Variants in OSBPL1A observed in about 807,000 individuals in gnomAD.
The protein encoded by OSBPL1A is oxysterol-binding protein-related protein 1.
In OSBPL1A, 80 loss-of-function variants were observed where a neutral mutation model predicts 137.1. That is an observed-to-expected ratio of 0.58 (90% CI 0.49 to 0.70). The LOEUF (loss-of-function observed/expected upper bound fraction) is 0.70, where lower values mean the gene tolerates loss of function less well. Among genes scored for constraint, OSBPL1A ranks in the 30% least tolerant of loss-of-function variants. OSBPL1A has a pLI of 0.00. For missense variants in OSBPL1A, 970 were observed against 1,129.4 expected (o/e 0.86, Z 2.02); for synonymous variants, 365 against 389.7 (o/e 0.94, Z 0.75).
chr18:24,321,018 G>C (rs1316380908), intron 7 of OSBPL1A, among the ~76,000 whole-genome samples: 2 of 114,510 alleles, frequency 1.7e-5, no homozygotes, highest in Admixed American at 2.0e-4. Context: ...ACAAGAGCAA[G>C]ACTTCGTCTC....
chr18:24,274,285 A>G (rs1320076332), intron 15 of OSBPL1A, among the ~76,000 whole-genome samples: 1 of 151,968 alleles, frequency 6.6e-6, no homozygotes, highest in Non-Finnish European at 1.5e-5. Context: ...AGGGAGGAAG[A>G]AGGAGGATGA....
At chr18:24,319,948 T>C (rs1390708412) in intron 7 of OSBPL1A, among the ~76,000 whole-genome samples, 2 of 141,832 alleles carry the variant, frequency 1.4e-5, no homozygotes, top group Non-Finnish European at 3.0e-5. Context: ...AGCTTAAGAC[T>C]CGCCGGGGTA....
At chr18:24,365,559 G>C (rs906643080) in intron 4 of OSBPL1A, among the ~76,000 whole-genome samples, 2 of 151,490 alleles carry the variant, frequency 1.3e-5, no homozygotes, top group African/African-American at 4.9e-5. Flanking sequence ...ACTCCAACCT[G>C]GGCGACAGAG....
chr18:24,327,111 C>CTTTTTTTT (rs68045251), intron 7 of OSBPL1A, among the ~76,000 whole-genome samples: 2 of 137,010 alleles, frequency 1.5e-5, no homozygotes, highest in Non-Finnish European at 3.1e-5. Flanking sequence ...TTTCTTTTTT[C>CTTTTTTTT]TTTTTTTTTT....
intron 16 of OSBPL1A, among the ~76,000 whole-genome samples, chr18:24,236,163 T>C (rs1256735641): frequency 6.6e-6 from 1 of 152,200 alleles, no homozygotes; most frequent in Non-Finnish European, 1.5e-5. Context: ...CCACTAAGTT[T>C]GTGGTGATCT....
chr18:24,226,696 C>T (rs529095493), intron 16 of OSBPL1A, among the ~76,000 whole-genome samples: 3 of 152,258 alleles, frequency 2.0e-5, no homozygotes, highest in African/African-American at 7.2e-5. Flanking sequence ...AGGAGAACGA[C>T]GGTTGGACCA....
At chr18:24,372,722 C>T (rs1475034546) in intron 2 of OSBPL1A, among the ~76,000 whole-genome samples, 1 of 152,122 alleles carries the variant, frequency 6.6e-6, no homozygotes, top group Admixed American at 6.6e-5. Flanking sequence ...GACCTGGTGT[C>T]CTCACATCTA....
At chr18:24,214,320 T>A (rs578097529) in intron 17 of OSBPL1A, among the ~76,000 whole-genome samples, 1 of 152,334 alleles carries the variant, frequency 6.6e-6, no homozygotes, top group South Asian at 2.1e-4. Context: ...CTAACTACCG[T>A]CATCCCTAAA....
intron 15 of OSBPL1A, among the ~76,000 whole-genome samples, chr18:24,255,793 C>T (rs2089256226): frequency 6.8e-6 from 1 of 147,012 alleles, no homozygotes; most frequent in Admixed American, 6.8e-5. Flanking sequence ...GTCTCGCTCT[C>T]TCGCCCAGGC....
intron 16 of OSBPL1A, among the ~76,000 whole-genome samples, chr18:24,228,943 G>A (rs1474532987): frequency 6.6e-6 from 1 of 152,192 alleles, no homozygotes; most frequent in African/African-American, 2.4e-5. Flanking sequence ...GCTCACACCT[G>A]TAATCCCAGC....
rs925857693 is a variant in OSBPL1A at position 24,170,392 on chromosome 18, C to G, written c.2353G>C (p.Ala785Pro). ...TTTTTTTTGTAAGCGTCAAACGTGG[C>G]AGGGTCAACACTGTATAAACATTCA... ...WTECLYSVDP[A>P]TFDAYKKNDK... The change falls in exon 24 of 28, where the codon GCC becomes CCC. Residue 785 changes from alanine (A) to proline (P), a missense_variant. Transcript: ENST00000319481. 1 of 1,614,090 alleles carries G rather than the reference C, an allele frequency of 6.2e-7. No individual in the cohort carries two copies. The highest frequency in any genetic ancestry group is 8.5e-7 in the Non-Finnish European group (1 of 1,179,986).
intron 1 of OSBPL1A, among the ~76,000 whole-genome samples, chr18:24,384,397 A>C (rs1350217194): frequency 2.0e-5 from 3 of 152,152 alleles, no homozygotes; most frequent in African/African-American, 7.2e-5. Context: ...AACATGGGGA[A>C]ACCCTGTCTC....
At chr18:24,184,799 T>G (rs1255760715) in intron 18 of OSBPL1A, among the ~76,000 whole-genome samples, 1 of 150,602 alleles carries the variant, frequency 6.6e-6, no homozygotes, top group Non-Finnish European at 1.5e-5. Context: ...GCCCCCACCC[T>G]GCATTCTCAT....
chr18:24,362,746 C>G (rs1396632741), intron 4 of OSBPL1A, among the ~76,000 whole-genome samples: 1 of 152,164 alleles, frequency 6.6e-6, no homozygotes, highest in Non-Finnish European at 1.5e-5. Context: ...GGTAAAGCAA[C>G]TTTTAGCTAT....
intron 1 of OSBPL1A, among the ~76,000 whole-genome samples, chr18:24,382,273 G>T (rs2146210116): frequency 6.6e-6 from 1 of 151,382 alleles, no homozygotes; most frequent in East Asian, 2.0e-4. Flanking sequence ...CAGGCGTGGT[G>T]GCAGGCGCCT....
intron 18 of OSBPL1A, among the ~76,000 whole-genome samples, chr18:24,182,110 G>A (rs1423394906): frequency 6.6e-6 from 1 of 151,928 alleles, no homozygotes; most frequent in Non-Finnish European, 1.5e-5. Flanking sequence ...TGACAACACC[G>A]AGCTTATCTG....
chr18:24,353,332 G>A (rs1568047332), intron 4 of OSBPL1A, among the ~76,000 whole-genome samples: 1 of 152,120 alleles, frequency 6.6e-6, no homozygotes, highest in Non-Finnish European at 1.5e-5. Flanking sequence ...CATCATCACT[G>A]GCCATCAAAG....
intron 15 of OSBPL1A, among the ~76,000 whole-genome samples, chr18:24,250,166 G>T (rs371334666): frequency 2.2e-4 from 11 of 50,108 alleles, no homozygotes; most frequent in South Asian, 8.3e-4. Flanking sequence ...TTGTTTGTTT[G>T]TTTGTTTGTT....
Position 24,163,135 on chromosome 18 carries a change from A to G in OSBPL1A, c.*44T>C. 7.0e-7 allele frequency: 1 copy of G among 1,427,616 alleles called. No individual in the cohort carries two copies. 88.4% of individuals were successfully genotyped at this position (1,427,616 alleles called of 1,614,324 possible). ...AAAAAAATTTAAAAACATAGGTTTAAGACTTATTTGTAGATTAGCCAAACA... is the reference window on the plus strand; with the variant it reads ...AAAAAAATTTAAAAACATAGGTTTAGGACTTATTTGTAGATTAGCCAAACA... On this transcript the variant is annotated 3_prime_UTR_variant, in exon 28 of 28. Coordinates refer to ENST00000319481, the MANE Select transcript of OSBPL1A (RefSeq NM_080597.4).
Sources: allele counts gnomAD v4.1 joint callset (sites outside exome capture counted in the v4.1 genomes callset), GRCh38; gene constraint gnomAD v4.1.1; transcripts MANE v1.5; gene names NCBI Gene and HGNC (gene_info 2026-07-23, HGNC 2026-07-21).